The following EHMT1 variants were observed in gnomAD, a reference collection of about 807,000 sequenced individuals.
EHMT1 encodes the protein euchromatic histone lysine methyltransferase 1, also known as histone-lysine N-methyltransferase EHMT1.
A neutral mutation model predicts 147.2 loss-of-function variants in EHMT1; 15 were observed. That is an observed-to-expected ratio of 0.10 (90% confidence interval 0.07 to 0.16). The LOEUF is 0.16. EHMT1 is among the 10% of genes least tolerant of loss of function. The pLI is 1.00. For synonymous variants in EHMT1, 795 were observed against 709.6 expected (o/e 1.12, Z -1.91); for missense variants, 1,587 against 1,772.4 (o/e 0.90, Z 1.88).
intron 3 of EHMT1, among the ~76,000 whole-genome samples, chr9:137,725,111 C>T (rs981621128): frequency 1.2e-4 from 17 of 140,808 alleles, no homozygotes; most frequent in African/African-American, 4.4e-4. Flanking sequence ...CTGGGGCAGG[C>T]GTGTGGCATT....
At chr9:137,816,314 A>G in intron 23 of EHMT1, 1 of 554,978 alleles carries the variant, frequency 1.8e-6, no homozygotes. Flanking sequence ...CAGTCCAGCT[A>G]AAAGCAGAGG....
At chr9:137,758,984 G>A (rs1383047605) in intron 9 of EHMT1, among the ~76,000 whole-genome samples, 5 of 152,040 alleles carry the variant, frequency 3.3e-5, no homozygotes, top group African/African-American at 9.7e-5. Flanking sequence ...AAAATTAGCC[G>A]GGCGTAGTGG....
Position 137,704,802 on chromosome 9 carries a change from G to A in EHMT1, c.22-6165G>A, listed in dbSNP as rs375413477. Among the ~76,000 whole-genome samples the A allele has an allele frequency of 4.1e-3, 53 of 13,062 alleles. No homozygotes were observed. In the East Asian group the frequency reaches 0.075, roughly 19 times the overall value. The allele number at this position is 13,062 out of a possible 152,430, so 8.6% of individuals were successfully genotyped here. A position where few individuals can be genotyped will look rare whatever the true frequency, so the allele number is the denominator to read the frequency against. On this transcript the variant is annotated intron_variant, in intron 1 of 26. Coordinates refer to ENST00000460843, the MANE Select transcript of EHMT1 (RefSeq NM_024757.5). The stretch of plus-strand genomic sequence containing the variant: ...CTCCCGCCTGCCTTCCCTCCCTCCC[G>A]CCCTCCCTCCCTCCTTTTCTTCCTG...
Position 137,640,187 on chromosome 9 carries a change from G to A in EHMT1, c.21+21138G>A, listed in dbSNP as rs983017140. Among the ~76,000 whole-genome samples, 3 of 152,198 alleles carry A rather than the reference G, an allele frequency of 2.0e-5. No individual in the cohort carries two copies. The South Asian group carries it at 6.2e-4, about 32-fold the overall frequency. ...TGAACTCAGGTGATCCGCCTGCCTC[G>A]GCCTCCCAAAGTGCTGGGATTACGG... On this transcript the variant is annotated intron_variant, in intron 1 of 26. Transcript: ENST00000460843.
At chr9:137,705,940 C>G (rs1158007332) in intron 1 of EHMT1, among the ~76,000 whole-genome samples, 2 of 152,208 alleles carry the variant, frequency 1.3e-5, no homozygotes, top group Non-Finnish European at 2.9e-5. Context: ...TGCAGTGCCT[C>G]CCTCTCCTGG....
Position 137,717,008 on chromosome 9 carries a change from T to C in EHMT1, c.468T>C (p.Pro156=). Reference sequence around the variant, plus strand: ...CTGGCCATGCTGCAAAAACCCTTCCTGGAGGGGCTGGCAAAGGCAGGACTC... The same window carrying C: ...CTGGCCATGCTGCAAAAACCCTTCCCGGAGGGGCTGGCAAAGGCAGGACTC... The part of the protein sequence containing the change: ...SLPGHAAKTL[P]GGAGKGRTPS... Residue 156 remains proline, a synonymous_variant, in exon 3 of 27, where the codon CCT becomes CCC. Coordinates refer to ENST00000460843, the MANE Select transcript of EHMT1 (RefSeq NM_024757.5). The C allele has an allele frequency of 1.2e-6, 2 of 1,607,298 alleles. No homozygotes were observed. The highest frequency in any genetic ancestry group is 2.2e-5 in the South Asian group (2 of 90,976).
At chr9:137,735,656 G>C (rs911056442) in intron 4 of EHMT1, among the ~76,000 whole-genome samples, 2 of 152,220 alleles carry the variant, frequency 1.3e-5, no homozygotes, top group African/African-American at 4.8e-5. Flanking sequence ...GTTGAAATGA[G>C]ATCCCCAATA....
At chr9:137,748,968 C>T (rs992677979) in intron 6 of EHMT1, among the ~76,000 whole-genome samples, 8 of 152,160 alleles carry the variant, frequency 5.3e-5, no homozygotes, top group African/African-American at 1.7e-4. Context: ...ACAGCTGGTG[C>T]GGCAGCCACT....
chr9:137,752,189 C>T (rs750633745), intron 6 of EHMT1, 142 bp from the exon 7 acceptor site: 62 of 974,952 alleles, frequency 6.4e-5, no homozygotes, highest in Non-Finnish European at 8.4e-5. Flanking sequence ...AGGCCGGCGG[C>T]GCCCCCGCCC....
chr9:137,665,696 T>G (rs1939562144), intron 1 of EHMT1, among the ~76,000 whole-genome samples: 1 of 152,312 alleles, frequency 6.6e-6, no homozygotes, highest in South Asian at 2.1e-4. Context: ...GGATGAGCTG[T>G]GTTGATGGTT....
intron 1 of EHMT1, among the ~76,000 whole-genome samples, chr9:137,648,567 A>G (rs1589112738): frequency 6.6e-6 from 1 of 150,898 alleles, no homozygotes; most frequent in East Asian, 2.0e-4. Flanking sequence ...CTGAGGCGGG[A>G]GTGTCATCAA....
At chr9:137,790,265 T>C (rs947564575) in intron 15 of EHMT1, among the ~76,000 whole-genome samples, 5 of 152,248 alleles carry the variant, frequency 3.3e-5, no homozygotes, top group South Asian at 2.1e-4. Flanking sequence ...AACAGCTGAT[T>C]GGCTTTTAGC....
At chr9:137,743,666 A>AG in intron 5 of EHMT1, 138 bp downstream of exon 5, 2 of 1,352,398 alleles carry the variant, frequency 1.5e-6, no homozygotes, top group Non-Finnish European at 2.1e-6. Flanking sequence ...CCATAGGGGC[A>AG]GAGTGTTCGT....
chr9:137,729,874 C>T (rs999168550), intron 4 of EHMT1, among the ~76,000 whole-genome samples: 8 of 152,284 alleles, frequency 5.3e-5, no homozygotes, highest in African/African-American at 1.7e-4. Flanking sequence ...AAGTATACCG[C>T]GACGCCGCTC....
chr9:137,754,698 G>A (rs1333551577), intron 8 of EHMT1, among the ~76,000 whole-genome samples: 1 of 152,012 alleles, frequency 6.6e-6, no homozygotes, highest in Non-Finnish European at 1.5e-5. Context: ...TGTTTTTTTG[G>A]TAGAGATGGG....
chr9:137,800,535 CCG>C (rs1491340770), intron 17 of EHMT1: 2 of 295,926 alleles, frequency 6.8e-6, no homozygotes, highest in African/African-American at 4.5e-5. Flanking sequence ...GTTTCAGCTC[CCG>C]TGTGTGTGCC....
chr9:137,692,330 T>C (rs1172082359), intron 1 of EHMT1, among the ~76,000 whole-genome samples: 1 of 150,600 alleles, frequency 6.6e-6, no homozygotes, highest in African/African-American at 2.5e-5. Flanking sequence ...AGTGGTGTGA[T>C]CTTAGCTCAC....
chr9:137,801,006 C>G (rs760139282), intron 18 of EHMT1, 22 bp downstream of exon 18: 3 of 1,609,108 alleles, frequency 1.9e-6, no homozygotes, highest in East Asian at 4.5e-5. Flanking sequence ...ACACCCTCCC[C>G]GGGAGCCGTG....
chr9:137,829,931 A>C (rs552171008), intron 25 of EHMT1, among the ~76,000 whole-genome samples: 2 of 152,354 alleles, frequency 1.3e-5, no homozygotes, highest in East Asian at 3.9e-4. Flanking sequence ...TTAAATAAAT[A>C]AACCTTAAAC....
Sources: allele counts gnomAD v4.1 joint callset (sites outside exome capture counted in the v4.1 genomes callset), GRCh38; gene constraint gnomAD v4.1.1; transcripts MANE v1.5; gene names NCBI Gene and HGNC (gene_info 2026-07-23, HGNC 2026-07-21).